YPEL2: variants seen among roughly 807,000 people sequenced by gnomAD.
YPEL2 encodes yippee like 2, also known as protein yippee-like 2.
YPEL2 carries 2 observed loss-of-function variants against 19.1 expected under a neutral mutation model. The ratio of observed to expected loss-of-function variants is 0.10; its 90% CI spans 0.04 to 0.33. The LOEUF (loss-of-function observed/expected upper bound fraction) is 0.33. Ranked by LOEUF, YPEL2 falls within the 10% of genes least tolerant of loss-of-function variation. The pLI, the probability that YPEL2 is intolerant of heterozygous loss-of-function variation, is 1.00. For missense variants in YPEL2, 66 were observed against 140.7 expected (o/e 0.47, Z 2.68); for synonymous variants, 52 against 50.0 (o/e 1.04, Z -0.17).
chr17:59,351,442 C>A (rs1377824151), intron 1 of YPEL2, among the ~76,000 whole-genome samples: 2 of 152,058 alleles, frequency 1.3e-5, no homozygotes, highest in Non-Finnish European at 2.9e-5. Flanking sequence ...CTTGGCTCTA[C>A]CACCCTTTCT....
intron 1 of YPEL2, among the ~76,000 whole-genome samples, chr17:59,332,096 G>A (rs2047673682): frequency 6.6e-6 from 1 of 152,184 alleles, no homozygotes; most frequent in South Asian, 2.1e-4. Context: ...CCCCGGCCGG[G>A]GCGGGAGACG....
rs535561457 is a variant in YPEL2, at chr17:59,401,108, T to A, written c.*3918T>A. 7.2e-5 allele frequency: 11 copies of A among 152,330 alleles called. No homozygotes were observed. The highest frequency in any genetic ancestry group is 2.4e-4 in the African/African-American group (10 of 41,552). The allele number at this position is 152,330 out of a possible 1,614,324, so 9.4% of individuals were successfully genotyped here. ...CCACATCATGTTAAACATTAACTGG[T>A]TTGGATTAAAAGAACATTAATATTA... On this transcript the variant is annotated 3_prime_UTR_variant, in exon 5 of 5. Transcript: ENST00000312655.
At chr17:59,360,531 A>G (rs1262206438) in intron 2 of YPEL2, among the ~76,000 whole-genome samples, 2 of 152,144 alleles carry the variant, frequency 1.3e-5, no homozygotes, top group African/African-American at 4.8e-5. Flanking sequence ...CCAACCCCAA[A>G]TTACTTAATT....
intron 2 of YPEL2, among the ~76,000 whole-genome samples, chr17:59,368,233 G>A (rs1029570936): frequency 4.6e-5 from 7 of 152,100 alleles, no homozygotes; most frequent in Non-Finnish European, 5.9e-5. Flanking sequence ...ACAGACATGC[G>A]CCACCATGTC....
intron 2 of YPEL2, among the ~76,000 whole-genome samples, chr17:59,373,628 C>T (rs141886764): frequency 1.2e-3 from 182 of 152,330 alleles, no homozygotes; most frequent in African/African-American, 4.2e-3. Context: ...GTTGATTGAT[C>T]ATCATGGAGA....
intron 1 of YPEL2, among the ~76,000 whole-genome samples, chr17:59,350,507 A>AGCCT (rs1321172558): frequency 3.3e-5 from 5 of 152,194 alleles, no homozygotes; most frequent in African/African-American, 4.8e-5. Flanking sequence ...AGCACCAGAC[A>AGCCT]GCCTGGGCCA....
At chr17:59,387,323 G>A (rs1486634362) in intron 2 of YPEL2, among the ~76,000 whole-genome samples, 2 of 150,542 alleles carry the variant, frequency 1.3e-5, no homozygotes, top group African/African-American at 2.4e-5. Flanking sequence ...GATCCCTGAC[G>A]TCCTGCACAT....
chr17:59,388,713 C>T (rs2047993381), intron 3 of YPEL2: 1 of 306,392 alleles, frequency 3.3e-6, no homozygotes, highest in Non-Finnish European at 6.0e-6. Context: ...GTGAAAAAGA[C>T]ACCAAGATCT....
intron 2 of YPEL2, among the ~76,000 whole-genome samples, chr17:59,378,587 T>A (rs2047933988): frequency 6.6e-6 from 1 of 152,154 alleles, no homozygotes; most frequent in South Asian, 2.1e-4. Context: ...TCCACCCACC[T>A]TAGCCTCCCA....
chr17:59,333,146 G>A (rs111898383), intron 1 of YPEL2, among the ~76,000 whole-genome samples: 277 of 152,352 alleles, frequency 1.8e-3, no homozygotes, highest in South Asian at 6.0e-3. Flanking sequence ...GAATGGCTGA[G>A]TCTTGCCTCC....
intron 2 of YPEL2, among the ~76,000 whole-genome samples, chr17:59,363,643 G>A (rs1480793705): frequency 2.0e-5 from 3 of 152,158 alleles, no homozygotes; most frequent in Admixed American, 2.0e-4. Flanking sequence ...AGCACCTACT[G>A]TGTGCCAGGA....
At chr17:59,349,349 CT>C (rs1251457698) in intron 1 of YPEL2, among the ~76,000 whole-genome samples, 1 of 139,574 alleles carries the variant, frequency 7.2e-6, no homozygotes, top group Non-Finnish European at 1.5e-5. Context: ...GCCCACAGGC[CT>C]TTTTTTTCTT....
Position 59,370,166 on chromosome 17 carries a change from C to CCAGCCT in YPEL2, c.117+16654_117+16659dup, listed in dbSNP as rs369047452. 3.3e-3 allele frequency among the ~76,000 whole-genome samples: 503 copies of CCAGCCT among 152,328 alleles called. 2 individuals carry two copies. The highest frequency in any genetic ancestry group is 0.012 in the African/African-American group (482 of 41,566). On this transcript the variant is annotated intron_variant, in intron 2 of 4. Transcript: ENST00000312655. ...CTGCCTCCTGGGTTCACGCCATTCT[C>CCAGCCT]CAGCCTCAGCCTCAGCCTCCTGAAT...
intron 1 of YPEL2, among the ~76,000 whole-genome samples, chr17:59,343,595 A>C (rs2047742165): frequency 6.6e-6 from 1 of 151,846 alleles, no homozygotes; most frequent in Non-Finnish European, 1.5e-5. Context: ...AGAGAAGGGT[A>C]GGGTAAGGCA....
intron 1 of YPEL2, among the ~76,000 whole-genome samples, chr17:59,346,168 GCCT>G (rs1408544175): frequency 6.6e-6 from 1 of 152,118 alleles, no homozygotes; most frequent in Non-Finnish European, 1.5e-5. Flanking sequence ...GAAGTAGCTT[GCCT>G]CCTCCTTTCT....
At chr17:59,382,434 T>C (rs2147953841) in intron 2 of YPEL2, among the ~76,000 whole-genome samples, 1 of 152,370 alleles carries the variant, frequency 6.6e-6, no homozygotes, top group East Asian at 1.9e-4. Flanking sequence ...AAGTGACTCT[T>C]AGGCCCAGCC....
At chr17:59,378,122 G>A (rs141523870) in intron 2 of YPEL2, among the ~76,000 whole-genome samples, 2 of 151,980 alleles carry the variant, frequency 1.3e-5, no homozygotes, top group African/African-American at 4.8e-5. Flanking sequence ...CCTTTCCCTT[G>A]AACATCAGGC....
rs1413414925 is a variant in YPEL2 at position 59,399,196 on chromosome 17, C to G, written c.*2006C>G. On this transcript the variant is annotated 3_prime_UTR_variant, in exon 5 of 5. Transcript: ENST00000312655. ...GAAATCGTTTTTTAACTTTCACATT[C>G]CTAAGCTGGCTTCCCGGCACAGAAG... is the stretch of plus-strand genomic sequence containing the variant. 1.3e-5 allele frequency: 2 copies of G among 152,618 alleles called. No individual in the cohort carries two copies. The highest frequency in any genetic ancestry group is 2.9e-5 in the Non-Finnish European group (2 of 68,036). The allele number at this position is 152,618 out of a possible 1,614,324, so 9.5% of individuals were successfully genotyped here.
chr17:59,394,379 G>A (rs1238736218), intron 4 of YPEL2, among the ~76,000 whole-genome samples: 5 of 148,860 alleles, frequency 3.4e-5, no homozygotes, highest in African/African-American at 9.9e-5. Context: ...CAGACGGGGC[G>A]GCGGGGCAGA....
Sources: gnomAD v4.1 joint callset for allele counts (sites outside exome capture counted in the v4.1 genomes callset) on GRCh38, gnomAD v4.1.1 for gene constraint, MANE v1.5 for transcripts, NCBI Gene and HGNC (gene_info 2026-07-23, HGNC 2026-07-21) for gene names.